The following ZCCHC24 variants were observed in gnomAD, a reference collection of about 807,000 sequenced individuals.
ZCCHC24 encodes zinc finger CCHC domain-containing protein 24.
A neutral mutation model predicts 26.2 loss-of-function variants in ZCCHC24; 10 were observed. That is an observed-to-expected ratio of 0.38 (90% CI 0.24 to 0.65). The LOEUF is 0.65. ZCCHC24 is among the 30% of genes least tolerant of loss of function. The pLI, the probability that ZCCHC24 is intolerant of heterozygous loss-of-function variation, is 0.54. For synonymous variants in ZCCHC24, 144 were observed against 147.1 expected (o/e 0.98, Z 0.15); for missense variants, 243 against 329.1 (o/e 0.74, Z 2.03).
At chr10:79,410,583 T>C (rs1856776916) in intron 2 of ZCCHC24, among the ~76,000 whole-genome samples, 1 of 152,204 alleles carries the variant, frequency 6.6e-6, no homozygotes, top group African/African-American at 2.4e-5. Flanking sequence ...CATGGAGGGC[T>C]TGAGGCTTGG....
intron 3 of ZCCHC24, among the ~76,000 whole-genome samples, chr10:79,386,720 C>T (rs1445726952): frequency 1.3e-5 from 2 of 152,156 alleles, no homozygotes; most frequent in East Asian, 3.9e-4. Context: ...CTCCTGAGCC[C>T]GCATGCAGGC....
chr10:79,386,304 G>C lies in ZCCHC24; in HGVS notation c.*41C>G. On this transcript the variant is annotated 3_prime_UTR_variant, in exon 4 of 4. Coordinates refer to ENST00000372336, the MANE Select transcript of ZCCHC24 (RefSeq NM_153367.4). ...TAGCACAGGGAAGCAGCGTCTCCTC[G>C]GGCTGGCGGGGGGTGGCTCTGGGTG... 6.3e-7 allele frequency: 1 copy of C among 1,583,554 alleles called. No homozygotes were observed. The highest frequency in any genetic ancestry group is 8.6e-7 in the Non-Finnish European group (1 of 1,158,798).
chr10:79,423,315 C>G (rs367784524), intron 2 of ZCCHC24, among the ~76,000 whole-genome samples: 2 of 151,896 alleles, frequency 1.3e-5, no homozygotes, highest in African/African-American at 4.8e-5. Context: ...CTTTGGGAGT[C>G]CGAGGCAGGC....
chr10:79,440,739 G>A (rs1174998828), intron 1 of ZCCHC24, among the ~76,000 whole-genome samples: 1 of 152,184 alleles, frequency 6.6e-6, no homozygotes, highest in East Asian at 1.9e-4. Flanking sequence ...TGTTCCACTA[G>A]GGCCATCTCC....
chr10:79,385,938 C>T lies in ZCCHC24; in HGVS notation c.*407G>A, dbSNP rs554154381. The T allele has an allele frequency of 1.9e-4, 79 of 415,172 alleles. No homozygotes were observed. The highest frequency in any genetic ancestry group is 2.8e-4 in the Non-Finnish European group (65 of 233,722). The allele number at this position is 415,172 out of a possible 1,614,324, so 25.7% of individuals were successfully genotyped here. A position where few individuals can be genotyped will look rare whatever the true frequency, so the allele number is the denominator to read the frequency against. On this transcript the variant is annotated 3_prime_UTR_variant, in exon 4 of 4. Transcript: ENST00000372336. The surrounding 1 kb of genome is among the most constrained non-coding windows in gnomAD (Gnocchi z 4.3). Reference sequence around the variant, plus strand: ...CCGGAAGGTTCTGGGTGGGGGCAGGCGGCCTGGCTGGTCTGGGGAGGTTTG... The same window carrying T: ...CCGGAAGGTTCTGGGTGGGGGCAGGTGGCCTGGCTGGTCTGGGGAGGTTTG...
chr10:79,432,941 G>C (rs1857155871), intron 1 of ZCCHC24, among the ~76,000 whole-genome samples, 183 bp from the exon 2 acceptor site: 3 of 152,138 alleles, frequency 2.0e-5, no homozygotes, highest in Admixed American at 2.0e-4. Context: ...AACTACTCTG[G>C]GCCTCAGTGG....
chr10:79,445,483 G>C lies in ZCCHC24; in HGVS notation c.-43C>G. On this transcript the variant is annotated 5_prime_UTR_variant, in exon 1 of 4. Transcript: ENST00000372336. ...GGCCCCTCCCCGGCCGCCCGCTCGC[G>C]GCCCCCCTCCGCAGCGGAGGGGCGG... is the stretch of plus-strand genomic sequence containing the variant. 1 of 1,318,882 alleles carries C rather than the reference G, an allele frequency of 7.6e-7. No individual in the cohort carries two copies. The highest frequency in any genetic ancestry group is 9.7e-7 in the Non-Finnish European group (1 of 1,029,092). 81.7% of individuals were successfully genotyped at this position (1,318,882 alleles called of 1,614,324 possible).
intron 2 of ZCCHC24, among the ~76,000 whole-genome samples, chr10:79,411,547 G>C (rs1045453000): frequency 2.0e-5 from 3 of 152,204 alleles, no homozygotes; most frequent in Non-Finnish European, 4.4e-5. Context: ...ATTCTAGAGG[G>C]AAAGGTGGCC....
At chr10:79,403,886 G>C (rs3896742) in intron 2 of ZCCHC24, among the ~76,000 whole-genome samples, 68,857 of 151,582 alleles carry the variant, frequency 0.45, 18,048 homozygotes, top group East Asian at 0.77. Flanking sequence ...GGCATGGAGT[G>C]GGGGTGTGGA....
chr10:79,421,875 C>T (rs10824758), intron 2 of ZCCHC24, among the ~76,000 whole-genome samples: 52,822 of 152,040 alleles, frequency 0.35, 10,824 homozygotes, highest in Middle Eastern at 0.53. Flanking sequence ...GCGATCTGCT[C>T]ACCTCGTCCT....
At chr10:79,419,698 C>T (rs532863504) in intron 2 of ZCCHC24, among the ~76,000 whole-genome samples, 17 of 152,176 alleles carry the variant, frequency 1.1e-4, no homozygotes, top group Admixed American at 2.0e-4. Context: ...AAGGAGAAAT[C>T]AGAGAGGGCT....
At chr10:79,418,009 C>T (rs1856888740) in intron 2 of ZCCHC24, among the ~76,000 whole-genome samples, 1 of 152,232 alleles carries the variant, frequency 6.6e-6, no homozygotes, top group Non-Finnish European at 1.5e-5. Flanking sequence ...CCAACACAGG[C>T]TCCACCCTGG....
intron 3 of ZCCHC24, among the ~76,000 whole-genome samples, chr10:79,388,383 C>T (rs1217220859): frequency 1.3e-5 from 2 of 152,234 alleles, no homozygotes; most frequent in Non-Finnish European, 2.9e-5. Flanking sequence ...AACAGCTCCT[C>T]CATCTGGGGC....
At chr10:79,432,413 A>C (rs1040649050) in intron 2 of ZCCHC24, 145 bp downstream of exon 2, 7 of 844,860 alleles carry the variant, frequency 8.3e-6, no homozygotes, top group Non-Finnish European at 1.2e-5. Context: ...CAGCAGGGAC[A>C]AAAGGGTAGA....
chr10:79,436,977 A>C (rs1275878371), intron 1 of ZCCHC24, among the ~76,000 whole-genome samples: 1 of 152,214 alleles, frequency 6.6e-6, no homozygotes, highest in Non-Finnish European at 1.5e-5. Flanking sequence ...ACTCCTGCCC[A>C]GTGCTGGAAC....
intron 3 of ZCCHC24, among the ~76,000 whole-genome samples, chr10:79,391,249 T>C (rs1856475301): frequency 6.6e-6 from 1 of 152,004 alleles, no homozygotes; most frequent in Non-Finnish European, 1.5e-5. Context: ...TGATCCTGAA[T>C]GTGGAGATGG....
intron 1 of ZCCHC24, among the ~76,000 whole-genome samples, chr10:79,442,862 G>T (rs1335319166): frequency 6.6e-6 from 1 of 152,146 alleles, no homozygotes; most frequent in African/African-American, 2.4e-5. Context: ...CTTTGAGAGG[G>T]TTTAGGAGGC....
At chr10:79,444,183 C>A (rs1409690282) in intron 1 of ZCCHC24, 6 of 1,532,526 alleles carry the variant, frequency 3.9e-6, no homozygotes, top group East Asian at 2.5e-5. Context: ...GCAGAGAAAA[C>A]CCCCACAAGG....
chr10:79,438,873 T>C (rs1398040599), intron 1 of ZCCHC24, among the ~76,000 whole-genome samples: 1 of 152,224 alleles, frequency 6.6e-6, no homozygotes, highest in Non-Finnish European at 1.5e-5. Flanking sequence ...GTGCTCACGT[T>C]TCACAGCTAT....
Sources: allele counts gnomAD v4.1 joint callset (sites outside exome capture counted in the v4.1 genomes callset), GRCh38; gene constraint gnomAD v4.1.1; non-coding constraint Gnocchi (gnomAD v3.1); transcripts MANE v1.5; gene names NCBI Gene and HGNC (gene_info 2026-07-23, HGNC 2026-07-21).